SLX4: variants seen among roughly 807,000 people sequenced by gnomAD.
The protein encoded by SLX4 is SLX4 structure-specific endonuclease subunit.
SLX4 carries 112 observed loss-of-function variants against 146.2 expected under a neutral mutation model. That is an observed-to-expected ratio of 0.77 (90% CI 0.66 to 0.90). The LOEUF (loss-of-function observed/expected upper bound fraction) is 0.90. Among genes scored for constraint, SLX4 ranks in the 40% least tolerant of loss-of-function variants. SLX4 has a pLI of 0.00. For missense variants in SLX4, 2,563 were observed against 2,392.7 expected, an observed-to-expected ratio of 1.07 and a Z score of -1.49; for synonymous variants, 1,061 against 997.7, an observed-to-expected ratio of 1.06 and a Z score of -1.20.
intron 5 of SLX4, among the ~76,000 whole-genome samples, chr16:3,598,420 C>G (rs1303007564): frequency 6.6e-6 from 1 of 152,202 alleles, no homozygotes; most frequent in Non-Finnish European, 1.5e-5. Flanking sequence ...GGATCCCTTC[C>G]CTCCTGCAAG....
At chr16:3,600,326 G>C (rs2040711939) in intron 5 of SLX4, among the ~76,000 whole-genome samples, 1 of 152,158 alleles carries the variant, frequency 6.6e-6, no homozygotes, top group African/African-American at 2.4e-5. Flanking sequence ...CCACAGACCG[G>C]TACTGGTCCG....
rs983801114 is a variant in SLX4 at position 3,595,841 on chromosome 16, C to T, written c.1925-148G>A. 65 of 974,470 alleles carry T rather than the reference C, an allele frequency of 6.7e-5. No individual in the cohort carries two copies. In the African/African-American group the frequency reaches 7.9e-4, roughly 12 times the overall value. 60.4% of individuals were successfully genotyped at this position (974,470 alleles called of 1,614,324 possible). A position where few individuals can be genotyped will look rare whatever the true frequency, so the allele number is the denominator to read the frequency against. ...AGGACACCTTCATGCAAAGCAAACC[C>T]GCACACCCTGTCTCACCACCACTCC... On this transcript the variant is annotated intron_variant, in intron 8 of 14. Transcript: ENST00000294008.
intron 12 of SLX4, among the ~76,000 whole-genome samples, chr16:3,587,194 C>T (rs1029200288): frequency 1.3e-5 from 2 of 152,152 alleles, no homozygotes; most frequent in Admixed American, 1.3e-4. Flanking sequence ...CTAAATAAAG[C>T]TGTTACTTTA....
rs1408881754 is a variant in SLX4 at position 3,590,919 on chromosome 16, C to T, written c.2719G>A (p.Glu907Lys). 3 of 1,614,144 alleles carry T rather than the reference C, an allele frequency of 1.9e-6. No homozygotes were observed. The highest frequency in any genetic ancestry group is 2.2e-5 in the East Asian group (1 of 44,862). ...TCATCTCTTCCTGGCTCCAACGGCTCCATCTCCTCCACCTTGTCCCACTGT... is the reference window on the plus strand; with the variant it reads ...TCATCTCTTCCTGGCTCCAACGGCTTCATCTCCTCCACCTTGTCCCACTGT... Reference protein sequence around the residue: ...QKQWDKVEEMEPLEPGRDEAA... With the variant: ...QKQWDKVEEMKPLEPGRDEAA... Residue 907 changes from glutamate (E) to lysine (K), a missense_variant, in exon 12 of 15, where the codon GAG becomes AAG. Coordinates refer to ENST00000294008, the MANE Select transcript of SLX4 (RefSeq NM_032444.4). The surrounding 1 kb of genome is among the most constrained non-coding windows in gnomAD (Gnocchi z 4.8).
At chr16:3,611,204 C>T (rs1212810354) in intron 1 of SLX4, among the ~76,000 whole-genome samples, 1 of 152,256 alleles carries the variant, frequency 6.6e-6, no homozygotes, top group Non-Finnish European at 1.5e-5. Flanking sequence ...CTTCCCCCAA[C>T]CCGGCGACCT....
intron 12 of SLX4, among the ~76,000 whole-genome samples, chr16:3,587,974 T>C (rs1253683716): frequency 6.6e-6 from 1 of 151,948 alleles, no homozygotes; most frequent in African/African-American, 2.4e-5. Flanking sequence ...GGGCTCTGAC[T>C]CTCCCCGGGG....
chr16:3,584,696 C>T, intron 13 of SLX4, 73 bp downstream of exon 13: 1 of 1,198,388 alleles, frequency 8.3e-7, no homozygotes, highest in South Asian at 1.2e-5. Flanking sequence ...CTTCCGCCCC[C>T]AGGTGTGTGA....
chr16:3,604,835 T>A (rs577581704), intron 3 of SLX4, among the ~76,000 whole-genome samples: 13 of 139,054 alleles, frequency 9.3e-5, no homozygotes, highest in East Asian at 2.1e-4. Flanking sequence ...AAAAAAAAAA[T>A]GTATATTTAT....
chr16:3,583,417 C>T lies in SLX4; in HGVS notation c.4833G>A (p.Glu1611=), dbSNP rs377081199. ...GCGGCTGTGAGGACTGGCTCTCGTC[C>T]TCGGAGTCTGAGTCCAGGGTCTGGT... The part of the protein sequence containing the change: ...YTHQTLDSDS[E]DESQSSQPLL... Residue 1611 remains glutamate (E), a synonymous_variant, in exon 14 of 15, where the codon GAG becomes GAA. Coordinates refer to ENST00000294008, the MANE Select transcript of SLX4 (RefSeq NM_032444.4). 5 of 1,613,908 alleles carry T rather than the reference C, an allele frequency of 3.1e-6. No individual in the cohort carries two copies. Among genetic ancestry groups the T allele is most frequent in the African/African-American group, 2.7e-5 (2 of 75,042 alleles).
intron 5 of SLX4, chr16:3,600,761 A>C: frequency 2.0e-6 from 1 of 507,554 alleles, no homozygotes; most frequent in Non-Finnish European, 3.6e-6. Flanking sequence ...CCACCATGCT[A>C]ATTTTTGTAT....
intron 10 of SLX4, among the ~76,000 whole-genome samples, chr16:3,593,922 A>G (rs1033580647): frequency 6.6e-6 from 1 of 152,146 alleles, no homozygotes; most frequent in African/African-American, 2.4e-5. Flanking sequence ...CCCAGGCTGG[A>G]GTGCAGTGGT....
chr16:3,598,672 G>A (rs930008041), intron 5 of SLX4, among the ~76,000 whole-genome samples: 8 of 152,160 alleles, frequency 5.3e-5, no homozygotes, highest in Non-Finnish European at 1.2e-4. Context: ...AGCACAAACC[G>A]GGCCCACCTT....
chr16:3,592,144 C>G (rs1279961441), intron 11 of SLX4, among the ~76,000 whole-genome samples: 3 of 152,262 alleles, frequency 2.0e-5, no homozygotes, highest in African/African-American at 7.2e-5. Flanking sequence ...AGAGGCTGAG[C>G]TGTTCCTTTC....
rs376327831 is a variant in SLX4, at chr16:3,601,219, A to G, written c.951-28T>C. The G allele has an allele frequency of 1.2e-5, 19 of 1,610,968 alleles. No homozygotes were observed. The African/African-American group carries it at 1.6e-4, about 14-fold the overall frequency. On this transcript the variant is annotated intron_variant, in intron 4 of 14. Coordinates refer to ENST00000294008, the MANE Select transcript of SLX4 (RefSeq NM_032444.4). ...GAAGGAAAACAGTCAATACAGGAGA[A>G]CCACCCTCCCCAGGAATGTGGATTG... is the stretch of plus-strand genomic sequence containing the variant.
Position 3,582,019 on chromosome 16 carries a change from G to A in SLX4, c.*323C>T, listed in dbSNP as rs1314159404. On this transcript the variant is annotated 3_prime_UTR_variant, in exon 15 of 15. Transcript: ENST00000294008. Reference sequence around the variant, plus strand: ...GATTGTGCCACTGCACTCCAGCCTAGGTGACACAGCACGACTGTCTCAAAA... The same window carrying A: ...GATTGTGCCACTGCACTCCAGCCTAAGTGACACAGCACGACTGTCTCAAAA... 1.5e-5 allele frequency: 6 copies of A among 406,846 alleles called. No homozygotes were observed. The highest frequency in any genetic ancestry group is 3.2e-5 in the South Asian group (1 of 31,428). 25.2% of individuals were successfully genotyped at this position (406,846 alleles called of 1,614,324 possible).
chr16:3,592,645 G>A (rs939707998), intron 11 of SLX4, 54 bp downstream of exon 11: 28 of 1,580,622 alleles, frequency 1.8e-5, no homozygotes, highest in Admixed American at 3.6e-5. Flanking sequence ...CTCCAGAGCT[G>A]TTAACCTGCC....
intron 4 of SLX4, chr16:3,601,420 C>T (rs2040726399): frequency 1.8e-6 from 1 of 570,654 alleles, no homozygotes; most frequent in Non-Finnish European, 3.1e-6. Flanking sequence ...AATGCAGTTA[C>T]ATGATGACTT....
In SLX4 at chr16:3,584,981, A is replaced by G. The variant is rs74005837; in HGVS notation, c.4637-110T>C. ...TAATGCACTTGAAGATAACCCAAGC[A>G]TCGTTTTGCTCCATGAAAGCAACAG... On this transcript the variant is annotated intron_variant, in intron 12 of 14. Coordinates refer to ENST00000294008, the MANE Select transcript of SLX4 (RefSeq NM_032444.4). 5.9e-3 allele frequency: 5,143 copies of G among 868,864 alleles called. 173 individuals are homozygous for G. The African/African-American group carries it at 0.073, about 12-fold the overall frequency. 53.8% of individuals were successfully genotyped at this position (868,864 alleles called of 1,614,324 possible).
intron 1 of SLX4, among the ~76,000 whole-genome samples, chr16:3,610,853 G>C (rs1439331476): frequency 6.6e-6 from 1 of 152,212 alleles, no homozygotes; most frequent in Non-Finnish European, 1.5e-5. Flanking sequence ...AGGTGTAGGA[G>C]AAAACGCTGC....
Sources: gnomAD v4.1 joint callset for allele counts (sites outside exome capture counted in the v4.1 genomes callset) on GRCh38, gnomAD v4.1.1 for gene constraint, Gnocchi (gnomAD v3.1) non-coding constraint, MANE v1.5 for transcripts, NCBI Gene and HGNC (gene_info 2026-07-23, HGNC 2026-07-21) for gene names.